LRMDA: variants seen among roughly 807,000 people sequenced by gnomAD.
The protein encoded by LRMDA is leucine-rich melanocyte differentiation-associated protein.
LRMDA carries 18 observed loss-of-function variants against 29.8 expected under a neutral mutation model. That is an observed-to-expected ratio of 0.60 (90% CI 0.42 to 0.90). The LOEUF is 0.90. Among genes scored for constraint, LRMDA ranks in the 40% least tolerant of loss-of-function variants. The pLI is 0.00. For missense variants in LRMDA, 273 were observed against 273.9 expected, an observed-to-expected ratio of 1.00 and a Z score of 0.02; for synonymous variants, 125 against 109.4, an observed-to-expected ratio of 1.14 and a Z score of -0.89.
chr10:76,395,815 G>A (rs769453514), intron 6 of LRMDA, among the ~76,000 whole-genome samples: 1 of 152,196 alleles, frequency 6.6e-6, no homozygotes, highest in Admixed American at 6.5e-5. Flanking sequence ...TGGCAATCAA[G>A]AAATAATTGT....
At chr10:75,823,748 C>T (rs1019791192) in intron 2 of LRMDA, among the ~76,000 whole-genome samples, 7 of 140,584 alleles carry the variant, frequency 5.0e-5, no homozygotes, top group Non-Finnish European at 9.3e-5. Flanking sequence ...ACATATATAC[C>T]TACTTACATA....
At chr10:75,763,606 A>G (rs1347796027) in intron 2 of LRMDA, among the ~76,000 whole-genome samples, 1 of 152,232 alleles carries the variant, frequency 6.6e-6, no homozygotes, top group Non-Finnish European at 1.5e-5. Context: ...TTACGAGTTG[A>G]GTAAACAAGA....
intron 5 of LRMDA, among the ~76,000 whole-genome samples, chr10:76,200,641 T>C (rs905927793): frequency 3.3e-5 from 5 of 152,180 alleles, no homozygotes; most frequent in Non-Finnish European, 5.9e-5. Context: ...ATCATAAAAA[T>C]TGTACTTGAT....
chr10:76,352,635 A>G (rs1013435810), intron 6 of LRMDA, among the ~76,000 whole-genome samples: 3 of 152,158 alleles, frequency 2.0e-5, no homozygotes, highest in South Asian at 4.1e-4. Flanking sequence ...TTCAGACTCT[A>G]GTTGACTGTG....
chr10:76,056,921 A>G (rs1848624959), intron 4 of LRMDA, among the ~76,000 whole-genome samples: 1 of 152,142 alleles, frequency 6.6e-6, no homozygotes, highest in African/African-American at 2.4e-5. Flanking sequence ...CCAGCTCCAT[A>G]GAGCAAGCAG....
At chr10:76,071,727 G>T (rs577445473) in intron 5 of LRMDA, among the ~76,000 whole-genome samples, 73 of 152,320 alleles carry the variant, frequency 4.8e-4, no homozygotes, top group African/African-American at 1.7e-3. Context: ...GCTCTCTTAT[G>T]CAGTAAAATT....
In LRMDA at chr10:75,541,008, G is replaced by T. The variant is rs937861844; in HGVS notation, c.131+102514G>T. Among the ~76,000 whole-genome samples, 3 of 152,008 alleles carry T rather than the reference G, an allele frequency of 2.0e-5. 1 individual carries two copies. The highest frequency in any genetic ancestry group is 4.4e-5 in the Non-Finnish European group (3 of 68,022). ...TTTAAAAAGGAAAAAAACAGTTTTG[G>T]ATCTGCTTTAGGGCACTTATAAGAA... On this transcript the variant is annotated intron_variant, in intron 2 of 6. Transcript: ENST00000611255.
At chr10:75,831,938 A>T (rs1844353522) in intron 2 of LRMDA, among the ~76,000 whole-genome samples, 2 of 152,170 alleles carry the variant, frequency 1.3e-5, no homozygotes, top group Non-Finnish European at 2.9e-5. Flanking sequence ...TAGACTGCAC[A>T]TGGCATGGGG....
intron 1 of LRMDA, 27 bp from the exon 2 acceptor site, chr10:75,438,367 A>T (rs1199335498): frequency 1.3e-6 from 2 of 1,523,942 alleles, no homozygotes; most frequent in Non-Finnish European, 1.8e-6. Context: ...CATTTGCCAC[A>T]TTGTTTCTGT....
intron 2 of LRMDA, among the ~76,000 whole-genome samples, chr10:75,867,522 C>G (rs908454377): frequency 6.6e-6 from 1 of 152,074 alleles, no homozygotes; most frequent in African/African-American, 2.4e-5. Context: ...TGAGGTTCAA[C>G]CCATGTAGAC....
intron 2 of LRMDA, among the ~76,000 whole-genome samples, chr10:75,510,931 G>T (rs1046817259): frequency 2.0e-5 from 3 of 152,208 alleles, no homozygotes; most frequent in African/African-American, 7.2e-5. Context: ...ATAGCTGGAT[G>T]CCTGGAGGAA....
intron 5 of LRMDA, among the ~76,000 whole-genome samples, chr10:76,266,240 C>CTT (rs5786224): frequency 7.2e-5 from 11 of 151,804 alleles, no homozygotes; most frequent in East Asian, 3.9e-4. Context: ...TAATAATCAT[C>CTT]TTTTTTTGTA....
chr10:75,806,822 A>AAAC (rs1843862494), intron 2 of LRMDA, among the ~76,000 whole-genome samples: 2 of 147,604 alleles, frequency 1.4e-5, no homozygotes, highest in Admixed American at 6.7e-5. Context: ...AAAAAAAAAA[A>AAAC]AAAAACCACA....
At chr10:76,289,930 G>T (rs1371261769) in intron 5 of LRMDA, among the ~76,000 whole-genome samples, 1 of 152,184 alleles carries the variant, frequency 6.6e-6, no homozygotes, top group East Asian at 1.9e-4. Flanking sequence ...TGTTGATTCT[G>T]AGAGAAGAAT....
At chr10:76,281,662 A>G (rs1274193821) in intron 5 of LRMDA, among the ~76,000 whole-genome samples, 1 of 152,058 alleles carries the variant, frequency 6.6e-6, no homozygotes, top group Non-Finnish European at 1.5e-5. Flanking sequence ...CCTTATTTCC[A>G]TGTAGATCTA....
At chr10:76,010,398 C>T (rs915310838) in intron 2 of LRMDA, among the ~76,000 whole-genome samples, 3 of 151,730 alleles carry the variant, frequency 2.0e-5, no homozygotes, top group Admixed American at 6.6e-5. Context: ...CTGCAACCTC[C>T]GCCTCCCGAG....
intron 2 of LRMDA, among the ~76,000 whole-genome samples, chr10:75,729,062 TCTCACTCCCCCAGCC>T (rs1009765957): frequency 7.2e-5 from 11 of 152,166 alleles, no homozygotes; most frequent in Non-Finnish European, 1.0e-4. Flanking sequence ...CCCCATTAAG[TCTCACTCCCCCAGCC>T]CTCTCTTTTG....
chr10:76,002,484 C>T (rs1032734637), intron 2 of LRMDA, among the ~76,000 whole-genome samples: 2 of 150,788 alleles, frequency 1.3e-5, no homozygotes, highest in Admixed American at 6.7e-5. Context: ...GGTTAGCCTC[C>T]GAACTTCAGT....
At chr10:76,463,206 G>A (rs1842530452) in intron 6 of LRMDA, among the ~76,000 whole-genome samples, 1 of 152,150 alleles carries the variant, frequency 6.6e-6, no homozygotes, top group Admixed American at 6.5e-5. Flanking sequence ...GCAGGAGCCA[G>A]AAAACCTTAA....
Sources: gnomAD v4.1 joint callset for allele counts (sites outside exome capture counted in the v4.1 genomes callset) on GRCh38, gnomAD v4.1.1 for gene constraint, MANE v1.5 for transcripts, NCBI Gene and HGNC (gene_info 2026-07-23, HGNC 2026-07-21) for gene names.